Variants in HEATR5A observed in about 807,000 individuals in gnomAD.
HEATR5A encodes the protein HEAT repeat-containing protein 5A.
HEATR5A carries 178 observed loss-of-function variants against 218.8 expected under a neutral mutation model. The observed-to-expected ratio is 0.81, with a 90% confidence interval of 0.72 to 0.92. HEATR5A has a LOEUF of 0.92. Ranked by LOEUF, HEATR5A falls within the 40% of genes least tolerant of loss-of-function variation. The pLI is 0.00. For synonymous variants in HEATR5A, 864 were observed against 871.6 expected (o/e 0.99, Z 0.15); for missense variants, 2,420 against 2,418.9 (o/e 1.00, Z -0.01).
chr14:31,304,635 T>G (rs1899495496), intron 32 of HEATR5A, among the ~76,000 whole-genome samples: 1 of 152,208 alleles, frequency 6.6e-6, no homozygotes. Flanking sequence ...CAGGCTGGTC[T>G]CGAACTCCTG....
chr14:31,357,037 CAAA>C (rs1901449128), intron 16 of HEATR5A, among the ~76,000 whole-genome samples: 1 of 152,164 alleles, frequency 6.6e-6, no homozygotes, highest in Non-Finnish European at 1.5e-5. Flanking sequence ...CAGACTAGTT[CAAA>C]TTTCATCCTC....
At chr14:31,383,257 T>C (rs1450058393) in intron 10 of HEATR5A, among the ~76,000 whole-genome samples, 2 of 152,236 alleles carry the variant, frequency 1.3e-5, no homozygotes, top group Non-Finnish European at 2.9e-5. Context: ...TAACTATTTG[T>C]CTACTTGATC....
At position 31,386,563 on chromosome 14, in the gene HEATR5A, C is replaced by G; in HGVS notation, c.1202G>C (p.Ser401Thr). 6.3e-7 allele frequency: 1 copy of G among 1,587,178 alleles called. No individual in the cohort carries two copies. Among genetic ancestry groups the G allele is most frequent in the Non-Finnish European group, 8.6e-7 (1 of 1,169,134 alleles). Residue 401 changes from serine to threonine, a missense_variant, in exon 9 of 36, where the codon AGT becomes ACT. By Grantham distance (58) the Ser-to-Thr change is moderately conservative. Transcript: ENST00000543095. ...KLKKVMDAVM[S>T]DGNLETRLGS... is the part of the protein sequence containing the mutation. The stretch of plus-strand genomic sequence containing the variant: ...AAGCCGGGTTTCCAAATTACCATCA[C>G]TCATTACGGCATCTGATAGAAATGC...
chr14:31,380,638 TAGC>T, intron 10 of HEATR5A, 60 bp from the exon 11 acceptor site: 1 of 1,016,544 alleles, frequency 9.8e-7, no homozygotes, highest in Non-Finnish European at 1.5e-6. Context: ...TACTAAATGA[TAGC>T]AGCTAACAAT....
chr14:31,383,770 A>G lies in HEATR5A; in HGVS notation c.1347T>C (p.Gly449=), dbSNP rs1461836033. The G allele has an allele frequency of 3.1e-6, 5 of 1,611,542 alleles. No homozygotes were observed. The African/African-American group carries it at 6.7e-5, about 22-fold the overall frequency. Residue 449 remains glycine, a splice_region_variant and synonymous_variant, in exon 10 of 36, where the codon GGT becomes GGC. Coordinates refer to ENST00000543095, the MANE Select transcript of HEATR5A (RefSeq NM_015473.4). ...AAPLLQDSST[G]LLDSILSVIL... Reference sequence around the variant, plus strand: ...TAACTGACAAGATACTGTCAAGGAGACCTGGAAGGATAAACAAATGATGAC... The same window carrying G: ...TAACTGACAAGATACTGTCAAGGAGGCCTGGAAGGATAAACAAATGATGAC...
intron 1 of HEATR5A, among the ~76,000 whole-genome samples, chr14:31,418,563 G>A (rs185043506): frequency 6.6e-6 from 1 of 152,316 alleles, no homozygotes; most frequent in Admixed American, 6.5e-5. Context: ...AAGTGACACA[G>A]GCAAGTCTTT....
chr14:31,334,388 C>A (rs1212532255), intron 22 of HEATR5A: 2 of 455,682 alleles, frequency 4.4e-6, no homozygotes, highest in Non-Finnish European at 8.8e-6. Flanking sequence ...TGAAAACCTT[C>A]TGGAAAGGAT....
intron 1 of HEATR5A, among the ~76,000 whole-genome samples, chr14:31,417,170 A>G (rs1595195265): frequency 6.6e-6 from 1 of 152,336 alleles, no homozygotes; most frequent in East Asian, 1.9e-4. Flanking sequence ...AGAGAAGTTT[A>G]CTAAACGAAA....
intron 19 of HEATR5A, among the ~76,000 whole-genome samples, chr14:31,347,339 G>A (rs753050237): frequency 6.6e-6 from 1 of 152,174 alleles, no homozygotes; most frequent in Non-Finnish European, 1.5e-5. Flanking sequence ...AGCCTCCTGA[G>A]TAGCTGAGAC....
chr14:31,349,814 C>T lies in HEATR5A; in HGVS notation c.2683G>A (p.Gly895Arg). The change falls in exon 18 of 36, where the codon GGA becomes AGA. Residue 895 changes from glycine to arginine, a missense_variant. Coordinates refer to ENST00000543095, the MANE Select transcript of HEATR5A (RefSeq NM_015473.4). Reference sequence around the variant, plus strand: ...TTGTCAAAGCTAACTTGAGCTAATCCAGCAGTAAAAGCTCCATCATCTACC... The same window carrying T: ...TTGTCAAAGCTAACTTGAGCTAATCTAGCAGTAAAAGCTCCATCATCTACC... Reference protein sequence around the residue: ...QVVDDGAFTAGLAQVSFDKLK... With the variant: ...QVVDDGAFTARLAQVSFDKLK... The T allele has an allele frequency of 6.2e-7, 1 of 1,612,536 alleles. No homozygotes were observed. Among genetic ancestry groups the T allele is most frequent in the South Asian group, 1.1e-5 (1 of 90,918 alleles).
Position 31,302,477 on chromosome 14 carries a change from C to A in HEATR5A, c.5282G>T (p.Gly1761Val), listed in dbSNP as rs1426207749. Residue 1761 changes from glycine to valine, a missense_variant, in exon 33 of 36, where the codon GGG (glycine) becomes GTG (valine). Gly to Val is a moderately radical substitution (Grantham distance 109). Coordinates refer to ENST00000543095, the MANE Select transcript of HEATR5A (RefSeq NM_015473.4). ...CTTCACAGCAGTCTCTCTGAGGACC[C>A]CGATTGTGAGGTACAATATAGTAGG... is the stretch of plus-strand genomic sequence containing the variant. ...ILPTILYLTI[G>V]VLRETAVKLP... 4.4e-6 allele frequency: 7 copies of A among 1,591,058 alleles called. No homozygotes were observed. The East Asian group carries it at 1.6e-4, about 36-fold the overall frequency.
chr14:31,387,365 A>G lies in HEATR5A; in HGVS notation c.944T>C (p.Val315Ala). 6.2e-7 allele frequency: 1 copy of G among 1,612,298 alleles called. No individual in the cohort carries two copies. The highest frequency in any genetic ancestry group is 8.5e-7 in the Non-Finnish European group (1 of 1,178,614). Residue 315 changes from valine (V) to alanine (A), a missense_variant, in exon 8 of 36, where the codon GTA becomes GCA. Coordinates refer to ENST00000543095, the MANE Select transcript of HEATR5A (RefSeq NM_015473.4). Reference sequence around the variant, plus strand: ...AGCTCCTCCTAGTGTTGAAACAAATACCACATAAGCCTAAAAAGGAAAAGA... The same window carrying G: ...AGCTCCTCCTAGTGTTGAAACAAATGCCACATAAGCCTAAAAAGGAAAAGA... ...VRVGVTQAYV[V>A]FVSTLGGAWL...
Position 31,418,385 on chromosome 14 carries a change from C to T in HEATR5A, c.-75+2087G>A, listed in dbSNP as rs193276725. Among the ~76,000 whole-genome samples the T allele has an allele frequency of 3.9e-5, 6 of 152,314 alleles. No homozygotes were observed. The East Asian group carries it at 1.2e-3, about 29-fold the overall frequency. On this transcript the variant is annotated intron_variant, in intron 1 of 35. Coordinates refer to ENST00000543095, the MANE Select transcript of HEATR5A (RefSeq NM_015473.4). ...TTTGGGAGCCATACGGTCTCTATCACAACTACTCAAAAACAAAACATGCAC... is the reference window on the plus strand; with the variant it reads ...TTTGGGAGCCATACGGTCTCTATCATAACTACTCAAAAACAAAACATGCAC...
rs763775063 is a variant in HEATR5A at position 31,307,965 on chromosome 14, T to C, written c.4746A>G (p.Ile1582Met). The part of the protein sequence containing the change: ...SLRSDATMES[I>M]TACLHALQAL... The stretch of plus-strand genomic sequence containing the variant: ...CTTGCAATGCATGTAAACAAGCAGT[T>C]ATGCTTTCCATGGTTGCATCTGAAC... Residue 1582 changes from isoleucine to methionine, a missense_variant, in exon 30 of 36, where the codon ATA becomes ATG. By Grantham distance (10) the Ile-to-Met change is conservative. Transcript: ENST00000543095. The C allele has an allele frequency of 8.7e-6, 14 of 1,613,830 alleles. No homozygotes were observed. The highest frequency in any genetic ancestry group is 1.1e-5 in the Non-Finnish European group (13 of 1,179,766).
At chr14:31,419,406 C>T (rs1195241640) in intron 1 of HEATR5A, among the ~76,000 whole-genome samples, 1 of 152,156 alleles carries the variant, frequency 6.6e-6, no homozygotes, top group Non-Finnish European at 1.5e-5. Context: ...ATTCTCCTCT[C>T]CCCATCCAAC....
chr14:31,373,916 A>G (rs994970235), intron 12 of HEATR5A, among the ~76,000 whole-genome samples: 2 of 152,152 alleles, frequency 1.3e-5, no homozygotes, highest in Admixed American at 1.3e-4. Context: ...TGTAATGAAT[A>G]GTAAATATAT....
intron 7 of HEATR5A, among the ~76,000 whole-genome samples, chr14:31,387,688 T>C (rs1370273028): frequency 6.6e-6 from 1 of 151,920 alleles, no homozygotes; most frequent in Non-Finnish European, 1.5e-5. Context: ...ACCTCTCGAG[T>C]AGCTGGGACT....
rs76257567 is a variant in HEATR5A at position 31,364,298 on chromosome 14, C to A, written c.1962G>T (p.Gln654His). 2 of 1,469,770 alleles carry A rather than the reference C, an allele frequency of 1.4e-6. No homozygotes were observed. The highest frequency in any genetic ancestry group is 4.4e-5 in the Admixed American group (2 of 45,148). 91.0% of individuals were successfully genotyped at this position (1,469,770 alleles called of 1,614,324 possible). A position where few individuals can be genotyped will look rare whatever the true frequency, so the allele number is the denominator to read the frequency against. ...CATACATTTTTAGTATTGAAGAAAG[C>A]CTTAAAATAAAAGAAAAAGTGTATC... is the stretch of plus-strand genomic sequence containing the variant. Reference protein sequence around the residue: ...PLPCAVDLLTQLSSILKMYGS... With the variant: ...PLPCAVDLLTHLSSILKMYGS... Residue 654 changes from glutamine to histidine, a missense_variant and splice_region_variant, in exon 14 of 36, where the codon CAG (glutamine) becomes CAT (histidine). Physicochemically the swap from Gln to His is conservative, Grantham distance 24. Transcript: ENST00000543095.
intron 29 of HEATR5A, among the ~76,000 whole-genome samples, chr14:31,308,706 G>A (rs770368182): frequency 4.0e-5 from 6 of 151,848 alleles, no homozygotes; most frequent in East Asian, 1.9e-4. Flanking sequence ...TTAAATTCTC[G>A]TAATAGTTGA....
Sources: allele counts gnomAD v4.1 joint callset (sites outside exome capture counted in the v4.1 genomes callset), GRCh38; gene constraint gnomAD v4.1.1; transcripts MANE v1.5; gene names NCBI Gene and HGNC (gene_info 2026-07-23, HGNC 2026-07-21).